Variants in CRACDL observed in about 807,000 individuals in gnomAD.
The protein encoded by CRACDL is CRACD like.
Under a neutral mutation model 70.6 loss-of-function variants are expected in CRACDL, and 26 were observed. The ratio of observed to expected loss-of-function variants is 0.37; its 90% CI spans 0.27 to 0.51. The LOEUF is 0.51. Among genes scored for constraint, CRACDL ranks in the 20% least tolerant of loss-of-function variants. The pLI is 0.94. For missense variants in CRACDL, 1,283 were observed against 1,376.9 expected, an observed-to-expected ratio of 0.93 and a Z score of 1.08; for synonymous variants, 618 against 615.2, an observed-to-expected ratio of 1.00 and a Z score of -0.07.
rs554954818 is a variant in CRACDL at position 98,853,246 on chromosome 2, C to T, written c.-10-6436G>A. Among the ~76,000 whole-genome samples, 3 of 152,204 alleles carry T rather than the reference C, an allele frequency of 2.0e-5. No individual in the cohort carries two copies. The South Asian group carries it at 6.2e-4, about 32-fold the overall frequency. On this transcript the variant is annotated intron_variant, in intron 1 of 9. Coordinates refer to ENST00000397899, the MANE Select transcript of CRACDL (RefSeq NM_207362.3). The stretch of plus-strand genomic sequence containing the variant: ...AAAGATGAAGAGGAAATCTTGACAA[C>T]AGCCAGAGAAAAATGACACATCATA...
At chr2:98,903,549 C>T (rs1407212718) in intron 1 of CRACDL, among the ~76,000 whole-genome samples, 2 of 152,190 alleles carry the variant, frequency 1.3e-5, no homozygotes, top group Non-Finnish European at 2.9e-5. Flanking sequence ...TAAATAATTC[C>T]ACCTTGCGGA....
At chr2:98,803,498 G>A (rs545757238) in intron 7 of CRACDL, among the ~76,000 whole-genome samples, 126 of 152,132 alleles carry the variant, frequency 8.3e-4, no homozygotes, top group Non-Finnish European at 1.5e-3. Flanking sequence ...GTTCATAGAA[G>A]TACACAAGCA....
chr2:98,930,303 A>C (rs1318266742), intron 1 of CRACDL, among the ~76,000 whole-genome samples: 5 of 115,394 alleles, frequency 4.3e-5, no homozygotes, highest in South Asian at 2.7e-4. Context: ...CACCCTCTGT[A>C]CCGTGTCCCC....
At chr2:98,924,909 G>C (rs1300422541) in intron 1 of CRACDL, among the ~76,000 whole-genome samples, 1 of 152,216 alleles carries the variant, frequency 6.6e-6, no homozygotes, top group Admixed American at 6.5e-5. Context: ...ACAAATGCTT[G>C]CCTTTCCTTC....
intron 1 of CRACDL, among the ~76,000 whole-genome samples, chr2:98,917,350 T>C (rs1156446292): frequency 6.6e-6 from 1 of 152,158 alleles, no homozygotes; most frequent in Non-Finnish European, 1.5e-5. Flanking sequence ...AGAAATGGAA[T>C]CCCCAGGATA....
intron 1 of CRACDL, among the ~76,000 whole-genome samples, chr2:98,884,273 C>T (rs901425879): frequency 1.3e-5 from 2 of 152,218 alleles, no homozygotes; most frequent in African/African-American, 4.8e-5. Flanking sequence ...CAGGGGCCTG[C>T]ACAGCTCACA....
chr2:98,870,978 G>A (rs973417283), intron 1 of CRACDL, among the ~76,000 whole-genome samples: 1 of 152,248 alleles, frequency 6.6e-6, no homozygotes, highest in African/African-American at 2.4e-5. Flanking sequence ...CAGGGACCGC[G>A]AGATTCGCGA....
chr2:98,896,750 T>A (rs1026392135), intron 1 of CRACDL, among the ~76,000 whole-genome samples: 1 of 152,174 alleles, frequency 6.6e-6, no homozygotes, highest in Admixed American at 6.5e-5. Context: ...TTTGTTGTTG[T>A]TGTTCTGTTT....
At chr2:98,802,689 G>C (rs903505200) in intron 7 of CRACDL, among the ~76,000 whole-genome samples, 2 of 152,188 alleles carry the variant, frequency 1.3e-5, no homozygotes, top group Non-Finnish European at 2.9e-5. Context: ...CTGCTATGAC[G>C]AGTTGAGGGG....
chr2:98,825,813 A>T (rs1323537103), intron 6 of CRACDL, among the ~76,000 whole-genome samples: 1 of 152,158 alleles, frequency 6.6e-6, no homozygotes, highest in Non-Finnish European at 1.5e-5. Context: ...AGTCCCCTCA[A>T]AAGTCTACTC....
chr2:98,877,945 T>G (rs1247977499), intron 1 of CRACDL, among the ~76,000 whole-genome samples: 2 of 134,440 alleles, frequency 1.5e-5, no homozygotes. Context: ...GTACCATTTT[T>G]AATCTTTTTT....
At chr2:98,920,611 C>A (rs6724477) in intron 1 of CRACDL, among the ~76,000 whole-genome samples, 70,561 of 151,758 alleles carry the variant, frequency 0.46, 17,922 homozygotes, top group African/African-American at 0.66. Context: ...CACTTATGCA[C>A]ACCGGACCCC....
intron 3 of CRACDL, among the ~76,000 whole-genome samples, chr2:98,837,698 C>T (rs1446815724): frequency 6.6e-6 from 1 of 152,086 alleles, no homozygotes; most frequent in Admixed American, 6.5e-5. Context: ...CCTCCCCACC[C>T]CCATCAAGTG....
chr2:98,868,525 A>G (rs1707230591), intron 1 of CRACDL, among the ~76,000 whole-genome samples: 1 of 152,190 alleles, frequency 6.6e-6, no homozygotes, highest in Non-Finnish European at 1.5e-5. Flanking sequence ...AACACCTTCC[A>G]GGGATAAGGT....
At chr2:98,827,732 G>C (rs548172924) in intron 5 of CRACDL, among the ~76,000 whole-genome samples, 2 of 152,298 alleles carry the variant, frequency 1.3e-5, no homozygotes, top group South Asian at 4.1e-4. Context: ...TGTGTCTCAG[G>C]CTCCCCTGTC....
chr2:98,859,405 C>G (rs1706844581), intron 1 of CRACDL, among the ~76,000 whole-genome samples: 1 of 152,074 alleles, frequency 6.6e-6, no homozygotes. Context: ...TGCAAAACTC[C>G]TCAACAGAAT....
intron 1 of CRACDL, among the ~76,000 whole-genome samples, chr2:98,852,984 A>C (rs1391182743): frequency 9.4e-6 from 1 of 106,376 alleles, no homozygotes; most frequent in Non-Finnish European, 1.8e-5. Flanking sequence ...GGAGAGAGAG[A>C]GAGAGAGGGA....
intron 7 of CRACDL, among the ~76,000 whole-genome samples, chr2:98,800,595 C>A (rs1182631833): frequency 6.6e-6 from 1 of 152,084 alleles, no homozygotes; most frequent in Non-Finnish European, 1.5e-5. Context: ...TCACCAGGGT[C>A]CCTAGACACT....
At chr2:98,854,143 G>A (rs765929682) in intron 1 of CRACDL, among the ~76,000 whole-genome samples, 46 of 151,620 alleles carry the variant, frequency 3.0e-4, no homozygotes, top group Non-Finnish European at 5.5e-4. Context: ...TTAGCTGGGC[G>A]TGGTAGTGGG....
Sources: allele counts gnomAD v4.1 joint callset (sites outside exome capture counted in the v4.1 genomes callset), GRCh38; gene constraint gnomAD v4.1.1; transcripts MANE v1.5; gene names NCBI Gene and HGNC (gene_info 2026-07-23, HGNC 2026-07-21).